ATRNL1: variants seen among roughly 807,000 people sequenced by gnomAD.
ATRNL1 encodes the protein attractin like 1.
Under a neutral mutation model 182.7 loss-of-function variants are expected in ATRNL1, and 95 were observed. The observed-to-expected ratio is 0.52, with a 90% CI of 0.44 to 0.62. The LOEUF is 0.62. ATRNL1 is among the 20% of genes least tolerant of loss of function. The pLI, the probability that ATRNL1 is intolerant of heterozygous loss-of-function variation, is 0.00. For synonymous variants in ATRNL1, 576 were observed against 568.3 expected, an observed-to-expected ratio of 1.01 and a Z score of -0.19; for missense variants, 1,471 against 1,679.5, an observed-to-expected ratio of 0.88 and a Z score of 2.17.
intron 27 of ATRNL1, among the ~76,000 whole-genome samples, chr10:115,733,328 C>G (rs976447851): frequency 6.6e-6 from 1 of 152,026 alleles, no homozygotes; most frequent in Non-Finnish European, 1.5e-5. Flanking sequence ...TTATAGCTTT[C>G]GAGTACTATA....
intron 1 of ATRNL1, among the ~76,000 whole-genome samples, chr10:115,104,213 C>G (rs536070770): frequency 6.6e-6 from 1 of 152,238 alleles, no homozygotes; most frequent in South Asian, 2.1e-4. Context: ...TTGTTTCTGT[C>G]TGCCTTTTGG....
At chr10:115,497,464 C>A (rs183512050) in intron 24 of ATRNL1, among the ~76,000 whole-genome samples, 1 of 152,048 alleles carries the variant, frequency 6.6e-6, no homozygotes, top group Non-Finnish European at 1.5e-5. Flanking sequence ...TTTGGGCGGG[C>A]AATAGTTCTG....
chr10:115,136,533 T>C (rs895249452), intron 5 of ATRNL1, among the ~76,000 whole-genome samples: 36 of 152,360 alleles, frequency 2.4e-4, no homozygotes, highest in Admixed American at 2.4e-3. Context: ...ATTACATGTA[T>C]CCACCATTAT....
intron 26 of ATRNL1, among the ~76,000 whole-genome samples, chr10:115,600,118 A>T (rs1426230406): frequency 6.6e-6 from 1 of 151,966 alleles, no homozygotes; most frequent in Non-Finnish European, 1.5e-5. Context: ...TCCTTCTTTG[A>T]CCCATCTTAA....
chr10:115,701,458 T>C (rs1946733935), intron 26 of ATRNL1, among the ~76,000 whole-genome samples: 1 of 151,828 alleles, frequency 6.6e-6, no homozygotes, highest in Non-Finnish European at 1.5e-5. Flanking sequence ...AATCAGAGCA[T>C]AGCTGAATAA....
intron 26 of ATRNL1, among the ~76,000 whole-genome samples, chr10:115,615,001 G>GA (rs1857359737): frequency 6.6e-6 from 1 of 151,032 alleles, no homozygotes; most frequent in Non-Finnish European, 1.5e-5. Context: ...TTTTTCATAT[G>GA]GGAATTTAAA....
In ATRNL1 at chr10:115,376,214, A is replaced by G. The variant is rs138496663; in HGVS notation, c.3176-18445A>G. Among the ~76,000 whole-genome samples, 701 of 152,170 alleles carry G rather than the reference A, an allele frequency of 4.6e-3. 5 individuals carry two copies. Among genetic ancestry groups the G allele is most frequent in the Admixed American group, 9.8e-3 (149 of 15,282 alleles). On this transcript the variant is annotated intron_variant, in intron 19 of 28. Transcript: ENST00000355044. The stretch of plus-strand genomic sequence containing the variant: ...TTAAAGGGGGTAGGGATTTCCATTA[A>G]TAGCCTAATGGAGATTCCTTGATAT...
intron 28 of ATRNL1, among the ~76,000 whole-genome samples, chr10:115,884,874 A>G (rs1951906715): frequency 6.6e-6 from 1 of 152,198 alleles, no homozygotes; most frequent in Non-Finnish European, 1.5e-5. Context: ...TTCTCTAATT[A>G]TACTTTCTTT....
At chr10:115,581,823 C>T (rs980835020) in intron 26 of ATRNL1, among the ~76,000 whole-genome samples, 5 of 151,254 alleles carry the variant, frequency 3.3e-5, no homozygotes, top group Non-Finnish European at 7.4e-5. Flanking sequence ...ATACATGTGC[C>T]ATGCTGGTGC....
Position 115,118,298 on chromosome 10 carries a change from C to T in ATRNL1, c.294-1887C>T, listed in dbSNP as rs573712343. Among the ~76,000 whole-genome samples, 49 of 152,172 alleles carry T rather than the reference C, an allele frequency of 3.2e-4. 1 individual carries two copies. In the South Asian group the frequency reaches 9.7e-3, roughly 30 times the overall value. ...CCCAGTCCAATATCCTGGAGAGTTTCCCCAATGTTTTCTTGTAGTAGTTTC... is the reference window on the plus strand; with the variant it reads ...CCCAGTCCAATATCCTGGAGAGTTTTCCCAATGTTTTCTTGTAGTAGTTTC... On this transcript the variant is annotated intron_variant, in intron 1 of 28. Coordinates refer to ENST00000355044, the MANE Select transcript of ATRNL1 (RefSeq NM_207303.4).
intron 27 of ATRNL1, among the ~76,000 whole-genome samples, chr10:115,805,385 ATTCT>A (rs1555085428): frequency 8.5e-5 from 13 of 152,170 alleles, no homozygotes; most frequent in Non-Finnish European, 1.5e-5. Flanking sequence ...CTGCAGGTCC[ATTCT>A]CTCTCTGTCA....
At chr10:115,552,987 C>T (rs1438869871) in intron 26 of ATRNL1, among the ~76,000 whole-genome samples, 1 of 151,246 alleles carries the variant, frequency 6.6e-6, no homozygotes, top group African/African-American at 2.4e-5. Flanking sequence ...ATAGTCATCA[C>T]ATTACTGAAA....
intron 26 of ATRNL1, among the ~76,000 whole-genome samples, chr10:115,650,038 C>T (rs915662193): frequency 1.3e-5 from 2 of 152,108 alleles, no homozygotes; most frequent in African/African-American, 4.8e-5. Flanking sequence ...TATCTTTTCT[C>T]ATTTCTGTGC....
intron 28 of ATRNL1, among the ~76,000 whole-genome samples, chr10:115,858,344 G>A (rs1473433906): frequency 1.3e-5 from 2 of 152,160 alleles, no homozygotes; most frequent in Non-Finnish European, 2.9e-5. Flanking sequence ...ATACACCATG[G>A]AGTACTATAC....
intron 26 of ATRNL1, among the ~76,000 whole-genome samples, chr10:115,577,314 G>T (rs564719702): frequency 6.6e-6 from 1 of 151,568 alleles, no homozygotes; most frequent in African/African-American, 2.4e-5. Context: ...GAGCTCTTTG[G>T]GTAGTATGGA....
intron 3 of ATRNL1, among the ~76,000 whole-genome samples, chr10:115,123,030 G>A (rs1264781): frequency 0.7 from 106,973 of 152,030 alleles, 38,728 homozygotes; most frequent in African/African-American, 0.82. Context: ...TCATTTGTTT[G>A]TCTAGTAATT....
chr10:115,683,153 G>A (rs894241296), intron 26 of ATRNL1, among the ~76,000 whole-genome samples: 3 of 151,890 alleles, frequency 2.0e-5, no homozygotes, highest in African/African-American at 7.2e-5. Flanking sequence ...TGGATATTAT[G>A]TATTAAATTA....
intron 19 of ATRNL1, among the ~76,000 whole-genome samples, chr10:115,383,386 T>C (rs1693805063): frequency 6.6e-6 from 1 of 151,924 alleles, no homozygotes; most frequent in Non-Finnish European, 1.5e-5. Flanking sequence ...TTCATATCTT[T>C]GTGGGTCTGT....
intron 28 of ATRNL1, among the ~76,000 whole-genome samples, chr10:115,853,863 G>A (rs1325754173): frequency 6.6e-6 from 1 of 152,146 alleles, no homozygotes; most frequent in Non-Finnish European, 1.5e-5. Context: ...TGAGATTCTT[G>A]TTAATAAATA....
Sources: gnomAD v4.1 joint callset for allele counts (sites outside exome capture counted in the v4.1 genomes callset) on GRCh38, gnomAD v4.1.1 for gene constraint, MANE v1.5 for transcripts, NCBI Gene and HGNC (gene_info 2026-07-23, HGNC 2026-07-21) for gene names.